Variants in NDST4 observed in about 807,000 individuals in gnomAD.
The protein encoded by NDST4 is N-heparan sulfate sulfotransferase 4.
A neutral mutation model predicts 100.8 loss-of-function variants in NDST4; 63 were observed. The observed-to-expected ratio is 0.62, with a 90% confidence interval of 0.51 to 0.77. NDST4 has a LOEUF of 0.77. Among genes scored for constraint, NDST4 ranks in the 30% least tolerant of loss-of-function variants. The probability of loss-of-function intolerance (pLI) is 0.00; values close to 1 mark genes in which losing one functional copy is unlikely to be tolerated. For synonymous variants in NDST4, 377 were observed against 361.8 expected, an observed-to-expected ratio of 1.04 and a Z score of -0.48; for missense variants, 943 against 1,018.4, an observed-to-expected ratio of 0.93 and a Z score of 1.01.
chr4:115,100,212 A>AT (rs1431691544), intron 1 of NDST4, among the ~76,000 whole-genome samples: 3 of 152,022 alleles, frequency 2.0e-5, no homozygotes, highest in African/African-American at 7.2e-5. Flanking sequence ...GGGTAGTGAA[A>AT]TTTTTCTATT....
chr4:114,846,145 A>T, intron 9 of NDST4, 148 bp from the exon 10 acceptor site: 1 of 728,112 alleles, frequency 1.4e-6, no homozygotes, highest in South Asian at 2.2e-5. Context: ...TATTCTATAC[A>T]CATTGAATGT....
At chr4:114,914,969 T>C (rs751477913) in intron 6 of NDST4, among the ~76,000 whole-genome samples, 13 of 152,180 alleles carry the variant, frequency 8.5e-5, no homozygotes, top group Non-Finnish European at 1.8e-4. Flanking sequence ...ATTCTTCCTG[T>C]ATTACTCAAT....
At chr4:115,011,369 A>G (rs1484309410) in intron 2 of NDST4, among the ~76,000 whole-genome samples, 2 of 151,916 alleles carry the variant, frequency 1.3e-5, no homozygotes, top group African/African-American at 4.8e-5. Flanking sequence ...CAGATACTCC[A>G]TTCAAGCGTA....
intron 6 of NDST4, among the ~76,000 whole-genome samples, chr4:114,931,250 T>C (rs1397501599): frequency 6.6e-6 from 1 of 151,712 alleles, no homozygotes; most frequent in Non-Finnish European, 1.5e-5. Context: ...CTTAAAAATA[T>C]GTGGTTTTCT....
intron 6 of NDST4, among the ~76,000 whole-genome samples, chr4:114,904,816 T>C (rs890727187): frequency 2.0e-4 from 31 of 152,076 alleles, no homozygotes; most frequent in South Asian, 4.1e-4. Context: ...CTAATTACTG[T>C]AGGCCACACT....
chr4:115,008,473 G>A (rs1382612718), intron 2 of NDST4, among the ~76,000 whole-genome samples: 1 of 128,394 alleles, frequency 7.8e-6, no homozygotes, highest in Non-Finnish European at 1.7e-5. Context: ...AGTTTGGCCG[G>A]ATATGAAATT....
chr4:115,066,778 T>G (rs1728955346), intron 2 of NDST4, among the ~76,000 whole-genome samples: 1 of 152,120 alleles, frequency 6.6e-6, no homozygotes, highest in African/African-American at 2.4e-5. Context: ...ACAAGGGAGA[T>G]CTAGGGAGTT....
intron 2 of NDST4, among the ~76,000 whole-genome samples, chr4:115,067,956 A>C (rs2126286222): frequency 7.9e-6 from 1 of 126,788 alleles, no homozygotes; most frequent in Middle Eastern, 5.2e-3. Flanking sequence ...AAGTGTTCTC[A>C]TTGCTCAATT....
intron 2 of NDST4, among the ~76,000 whole-genome samples, chr4:115,021,209 C>CAT (rs1423278806): frequency 3.9e-4 from 56 of 142,676 alleles, no homozygotes; most frequent in African/African-American, 6.6e-4. Context: ...ATATATATTC[C>CAT]ATATATATAT....
At chr4:114,979,015 T>TCC (rs1726705725) in intron 2 of NDST4, among the ~76,000 whole-genome samples, 1 of 152,068 alleles carries the variant, frequency 6.6e-6, no homozygotes, top group African/African-American at 2.4e-5. Flanking sequence ...TCATTCTCTC[T>TCC]CCATCAGTTA....
intron 6 of NDST4, among the ~76,000 whole-genome samples, chr4:114,904,324 T>A (rs781657002): frequency 6.6e-6 from 1 of 151,842 alleles, no homozygotes; most frequent in Admixed American, 6.6e-5. Flanking sequence ...ATTTGAAACA[T>A]CAGAATGATA....
intron 2 of NDST4, among the ~76,000 whole-genome samples, chr4:115,028,790 T>A (rs759211093): frequency 1.3e-5 from 2 of 152,050 alleles, no homozygotes; most frequent in African/African-American, 2.4e-5. Flanking sequence ...AGAAGCCAGA[T>A]TACATTGGGT....
chr4:114,877,256 T>C (rs1371662423), intron 6 of NDST4, among the ~76,000 whole-genome samples: 1 of 152,206 alleles, frequency 6.6e-6, no homozygotes, highest in African/African-American at 2.4e-5. Flanking sequence ...AACAACCCTA[T>C]ATTGCAACTT....
intron 10 of NDST4, among the ~76,000 whole-genome samples, chr4:114,841,757 A>G (rs1038771765): frequency 2.8e-4 from 43 of 152,178 alleles, no homozygotes; most frequent in African/African-American, 1.0e-3. Flanking sequence ...ACTGAGAAAG[A>G]CATAATTCTT....
chr4:114,910,647 T>C (rs1725044399), intron 6 of NDST4, among the ~76,000 whole-genome samples: 2 of 152,214 alleles, frequency 1.3e-5, no homozygotes, highest in African/African-American at 2.4e-5. Flanking sequence ...ATACATCTCA[T>C]TGTTATGTAG....
chr4:115,090,620 A>C (rs1729498376), intron 1 of NDST4, among the ~76,000 whole-genome samples: 1 of 152,044 alleles, frequency 6.6e-6, no homozygotes, highest in African/African-American at 2.4e-5. Flanking sequence ...GAAAATAAAA[A>C]ATTTGATTTT....
intron 1 of NDST4, among the ~76,000 whole-genome samples, chr4:115,104,581 C>T (rs1729799907): frequency 6.6e-6 from 1 of 151,952 alleles, no homozygotes. Context: ...ACTATTTGGC[C>T]CCTTTTTCTA....
At chr4:114,999,961 T>A (rs1727250342) in intron 2 of NDST4, among the ~76,000 whole-genome samples, 2 of 152,002 alleles carry the variant, frequency 1.3e-5, no homozygotes, top group African/African-American at 4.8e-5. Context: ...AATGTTATTA[T>A]CTTTCAAGAA....
intron 6 of NDST4, among the ~76,000 whole-genome samples, chr4:114,908,939 G>A (rs905838077): frequency 7.2e-5 from 11 of 152,050 alleles, no homozygotes; most frequent in Non-Finnish European, 1.3e-4. Flanking sequence ...CATGAAATGT[G>A]TGCCAATATT....
Sources: gnomAD v4.1 joint callset for allele counts (sites outside exome capture counted in the v4.1 genomes callset) on GRCh38, gnomAD v4.1.1 for gene constraint, MANE v1.5 for transcripts, NCBI Gene and HGNC (gene_info 2026-07-23, HGNC 2026-07-21) for gene names.